Variants in DCLRE1C observed in about 807,000 individuals in gnomAD.
The protein encoded by DCLRE1C is protein artemis.
A neutral mutation model predicts 61.4 loss-of-function variants in DCLRE1C; 47 were observed. The observed-to-expected ratio is 0.77, with a 90% CI of 0.61 to 0.98. DCLRE1C has a LOEUF of 0.98. Among genes scored for constraint, DCLRE1C ranks in the 50% least tolerant of loss-of-function variants. The probability of loss-of-function intolerance (pLI) is 0.00; values close to 1 mark genes in which losing one functional copy is unlikely to be tolerated. For missense variants in DCLRE1C, 858 were observed against 816.0 expected, an observed-to-expected ratio of 1.05 and a Z score of -0.63; for synonymous variants, 337 against 287.6, an observed-to-expected ratio of 1.17 and a Z score of -1.74.
At chr10:14,953,809 A>C in intron 1 of DCLRE1C, 93 bp downstream of exon 1, 1 of 1,567,612 alleles carries the variant, frequency 6.4e-7, no homozygotes, top group Non-Finnish European at 8.6e-7. Context: ...GGCTTCCCAC[A>C]GGCTGCAGCT....
At chr10:14,947,219 C>T (rs555063806) in intron 2 of DCLRE1C, among the ~76,000 whole-genome samples, 1 of 151,658 alleles carries the variant, frequency 6.6e-6, no homozygotes, top group African/African-American at 2.4e-5. Flanking sequence ...TTCAAACAAA[C>T]AAACAAACAA....
At position 14,905,791 on chromosome 10, in the gene DCLRE1C, T is replaced by A. The variant is rs1401349198; in HGVS notation, c.*2617A>T. On this transcript the variant is annotated 3_prime_UTR_variant, in exon 14 of 14. Coordinates refer to ENST00000378278, the MANE Select transcript of DCLRE1C (RefSeq NM_001033855.3). ...CCAGAGGTCAGGAGTTCAAGACCAG[T>A]CTGACCAATATGGTGAAACCCTGTC... Among the ~76,000 whole-genome samples, 1 of 151,996 alleles carries A rather than the reference T, an allele frequency of 6.6e-6. No individual in the cohort carries two copies. Among genetic ancestry groups the A allele is most frequent in the Non-Finnish European group, 1.5e-5 (1 of 67,994 alleles).
At position 14,918,623 on chromosome 10, in the gene DCLRE1C, G is replaced by GT. The variant is rs202230932; in HGVS notation, c.1156+1114dup. On this transcript the variant is annotated intron_variant, in intron 13 of 13. Coordinates refer to ENST00000378278, the MANE Select transcript of DCLRE1C (RefSeq NM_001033855.3). ...ATATCAATTATACCTCAGGAAAGCTGTTTTTTAAAAAAAAAAAAAAAGAAA... is the reference window on the plus strand; with the variant it reads ...ATATCAATTATACCTCAGGAAAGCTGTTTTTTTAAAAAAAAAAAAAAAGAAA... 5.6e-3 allele frequency among the ~76,000 whole-genome samples: 787 copies of GT among 140,052 alleles called. 4 individuals carry two copies. The highest frequency in any genetic ancestry group is 0.018 in the African/African-American group (671 of 37,262). The allele number at this position is 140,052 out of a possible 152,430, so 91.9% of individuals were successfully genotyped here.
rs919860514 is a variant in DCLRE1C, at chr10:14,898,202, C to CTTTTTTTTTTTTTTTTT, written c.*945_*961dup. On this transcript the variant is annotated 3_prime_UTR_variant, in exon 14 of 14. Transcript: ENST00000378289. ...AAAACTCAGTGAGGTAGTACTGTTT[C>CTTTTTTTTTTTTTTTTT]TTTTTTTTTTTTTTTTTTTTTTTTT... 1.3e-3 allele frequency: 72 copies of CTTTTTTTTTTTTTTTTT among 56,148 alleles called. 5 individuals carry two copies. Among genetic ancestry groups the CTTTTTTTTTTTTTTTTT allele is most frequent in the African/African-American group, 1.6e-3 (22 of 14,146 alleles). 3.5% of individuals were successfully genotyped at this position (56,148 alleles called of 1,614,324 possible). A position where few individuals can be genotyped will look rare whatever the true frequency, so the allele number is the denominator to read the frequency against.
chr10:14,934,683 G>C lies in DCLRE1C; in HGVS notation c.537+20C>G. 1.2e-6 allele frequency: 2 copies of C among 1,612,972 alleles called. No individual in the cohort carries two copies. The highest frequency in any genetic ancestry group is 1.7e-6 in the Non-Finnish European group (2 of 1,179,040). The stretch of plus-strand genomic sequence containing the variant: ...ACGGGCACACCCAGATGATAACCCT[G>C]TTCCTCCAGGCAGACTTACCCGACT... On this transcript the variant is annotated intron_variant, in intron 7 of 13. Transcript: ENST00000378278.
chr10:14,909,244 C>A lies in DCLRE1C; in HGVS notation c.1243G>T (p.Val415Leu). 6.2e-7 allele frequency: 1 copy of A among 1,613,774 alleles called. No homozygotes were observed. Among genetic ancestry groups the A allele is most frequent in the South Asian group, 1.1e-5 (1 of 91,002 alleles). Residue 415 changes from valine (V) to leucine (L), a missense_variant, in exon 14 of 14, where the codon GTA (valine) becomes TTA (leucine). Coordinates refer to ENST00000378278, the MANE Select transcript of DCLRE1C (RefSeq NM_001033855.3). ...VPYPETFHPE[V>L]FSMTAVSEKQ... ...TCTGATACTGCAGTCATTGAAAATA[C>A]CTCAGGGTGAAAAGTTTCCGGGTAT...
chr10:14,944,517 A>G (rs1179196169), intron 3 of DCLRE1C, among the ~76,000 whole-genome samples: 1 of 152,002 alleles, frequency 6.6e-6, no homozygotes, highest in Non-Finnish European at 1.5e-5. Context: ...AAAATAGAAA[A>G]TATTAAAATG....
intron 10 of DCLRE1C, among the ~76,000 whole-genome samples, chr10:14,927,623 G>T (rs149390245): frequency 1.4e-5 from 2 of 145,580 alleles, no homozygotes; most frequent in African/African-American, 5.1e-5. Flanking sequence ...GAGAGGGAGG[G>T]AGGGAGGGAG....
chr10:14,946,828 G>A (rs1489350334), intron 2 of DCLRE1C, among the ~76,000 whole-genome samples: 1 of 152,022 alleles, frequency 6.6e-6, no homozygotes, highest in Admixed American at 6.6e-5. Flanking sequence ...ACGTTGCCCA[G>A]GTTGGTTTCA....
At chr10:14,933,162 C>G (rs1178607378) in intron 8 of DCLRE1C, among the ~76,000 whole-genome samples, 3 of 152,212 alleles carry the variant, frequency 2.0e-5, no homozygotes, top group African/African-American at 7.2e-5. Flanking sequence ...GCTGCCATCA[C>G]TGACGTCAGT....
At chr10:14,941,568 A>T (rs150874520) in intron 3 of DCLRE1C, among the ~76,000 whole-genome samples, 5,330 of 152,186 alleles carry the variant, frequency 0.035, 148 homozygotes, top group African/African-American at 0.081. Flanking sequence ...ACTACACATG[A>T]GAGCCCCCAA....
intron 1 of DCLRE1C, among the ~76,000 whole-genome samples, chr10:14,950,202 T>C (rs1011863138): frequency 1.3e-5 from 2 of 151,838 alleles, no homozygotes; most frequent in African/African-American, 4.8e-5. Flanking sequence ...TAGCTGGGGC[T>C]GGTGGCGCAT....
chr10:14,937,985 C>A (rs1439115342), intron 4 of DCLRE1C, among the ~76,000 whole-genome samples: 1 of 151,896 alleles, frequency 6.6e-6, no homozygotes, highest in Middle Eastern at 3.2e-3. Context: ...AAGGGCAAGA[C>A]CTGCAGGCAC....
intron 13 of DCLRE1C, among the ~76,000 whole-genome samples, chr10:14,914,843 C>T (rs1385736247): frequency 6.6e-6 from 1 of 151,548 alleles, no homozygotes; most frequent in Admixed American, 6.6e-5. Context: ...CGGATGCTGA[C>T]ACAGGAGAAT....
At chr10:14,911,411 T>A (rs919946303) in intron 13 of DCLRE1C, 1 of 152,244 alleles carries the variant, frequency 6.6e-6, no homozygotes, top group Admixed American at 6.5e-5. Context: ...TCAAGAATGT[T>A]TTTAGAAATC....
intron 1 of DCLRE1C, among the ~76,000 whole-genome samples, chr10:14,950,727 C>G (rs963213925): frequency 1.6e-4 from 24 of 152,242 alleles, no homozygotes; most frequent in African/African-American, 4.8e-4. Flanking sequence ...CCCACACTGA[C>G]TAAGCAGGCA....
At chr10:14,914,201 A>G (rs1403699664) in intron 13 of DCLRE1C, among the ~76,000 whole-genome samples, 7 of 152,376 alleles carry the variant, frequency 4.6e-5, no homozygotes, top group African/African-American at 1.7e-4. Flanking sequence ...AGATGGAAAA[A>G]GATACATCAA....
At chr10:14,898,652 G>A (rs1484658919) in exon 14 of DCLRE1C, 1 of 152,164 alleles carries the variant, frequency 6.6e-6, no homozygotes, top group Non-Finnish European at 1.5e-5. Context: ...GCCAAATTTG[G>A]TTGGTAACAT....
In DCLRE1C at chr10:14,928,134, A is replaced by G. The variant is rs748507317; in HGVS notation, c.799T>C (p.Trp267Arg). ...RHPKAEEYFQ[W>R]SKLPCGITSR... ...GTAATTCCACAGGGTAATTTGCTCC[A>G]CTGAAAATATTCCTCTGCCTAAAAA... Residue 267 changes from tryptophan to arginine, a missense_variant, in exon 10 of 14, where the codon TGG (tryptophan) becomes CGG (arginine). By Grantham distance (101) the Trp-to-Arg change is moderately radical. Coordinates refer to ENST00000378278, the MANE Select transcript of DCLRE1C (RefSeq NM_001033855.3). The G allele has an allele frequency of 3.1e-5, 50 of 1,613,414 alleles. No individual in the cohort carries two copies. The highest frequency in any genetic ancestry group is 6.7e-5 in the Admixed American group (4 of 59,982).
Sources: allele counts gnomAD v4.1 joint callset (sites outside exome capture counted in the v4.1 genomes callset), GRCh38; gene constraint gnomAD v4.1.1; transcripts MANE v1.5; gene names NCBI Gene and HGNC (gene_info 2026-07-23, HGNC 2026-07-21).